Variants in CMTM7 observed in about 807,000 individuals in gnomAD.
CMTM7 encodes CKLF like MARVEL transmembrane domain containing 7.
CMTM7 carries 7 observed loss-of-function variants against 19.3 expected under a neutral mutation model. The observed-to-expected ratio is 0.36, with a 90% confidence interval of 0.21 to 0.68. The LOEUF is 0.68. Among genes scored for constraint, CMTM7 ranks in the 30% least tolerant of loss-of-function variants. The pLI, the probability that CMTM7 is intolerant of heterozygous loss-of-function variation, is 0.60. For missense variants in CMTM7, 193 were observed against 232.6 expected (o/e 0.83, Z 1.11); for synonymous variants, 87 against 99.3 (o/e 0.88, Z 0.74).
At chr3:32,410,510 G>A (rs1181222899) in intron 1 of CMTM7, among the ~76,000 whole-genome samples, 1 of 152,240 alleles carries the variant, frequency 6.6e-6, no homozygotes, top group Non-Finnish European at 1.5e-5. Flanking sequence ...TGCTGAGGGA[G>A]GGGGCTGGGG....
intron 1 of CMTM7, among the ~76,000 whole-genome samples, chr3:32,408,832 T>C (rs1696127817): frequency 6.6e-6 from 1 of 151,840 alleles, no homozygotes; most frequent in Admixed American, 6.6e-5. Flanking sequence ...GCTATCTTTT[T>C]AGTGTTTGTA....
chr3:32,437,843 A>T (rs1456135582), intron 1 of CMTM7, among the ~76,000 whole-genome samples: 1 of 152,126 alleles, frequency 6.6e-6, no homozygotes, highest in African/African-American at 2.4e-5. Flanking sequence ...GTGAGCTGAG[A>T]TGTTGCCACT....
At chr3:32,414,045 G>A (rs1428770296) in intron 1 of CMTM7, among the ~76,000 whole-genome samples, 2 of 152,154 alleles carry the variant, frequency 1.3e-5, no homozygotes, top group Non-Finnish European at 2.9e-5. Flanking sequence ...CTGAAGAGCG[G>A]TCCTAGCTTC....
chr3:32,445,805 C>T (rs1696746304), intron 2 of CMTM7, among the ~76,000 whole-genome samples: 1 of 152,166 alleles, frequency 6.6e-6, no homozygotes, highest in Non-Finnish European at 1.5e-5. Context: ...CATGAGCCCC[C>T]ACACCTGGCC....
At chr3:32,431,935 C>T (rs1396554112) in intron 1 of CMTM7, among the ~76,000 whole-genome samples, 1 of 152,186 alleles carries the variant, frequency 6.6e-6, no homozygotes. Flanking sequence ...AGTTCAAGAC[C>T]AGCCCGGTCA....
chr3:32,412,295 G>A (rs1286009371), intron 1 of CMTM7, among the ~76,000 whole-genome samples: 15 of 152,118 alleles, frequency 9.9e-5, no homozygotes, highest in Admixed American at 9.2e-4. Context: ...GACCATCCTG[G>A]CCAACATGGT....
At chr3:32,435,081 T>G (rs538920737) in intron 1 of CMTM7, among the ~76,000 whole-genome samples, 1 of 152,358 alleles carries the variant, frequency 6.6e-6, no homozygotes, top group African/African-American at 2.4e-5. Context: ...TTTCACTCAG[T>G]AATTTCACTT....
At chr3:32,423,278 A>G (rs967715089) in intron 1 of CMTM7, among the ~76,000 whole-genome samples, 2 of 152,214 alleles carry the variant, frequency 1.3e-5, no homozygotes, top group African/African-American at 4.8e-5. Context: ...GGGTGGTATG[A>G]GCACACCAAA....
chr3:32,454,185 C>G, intron 4 of CMTM7, 56 bp from the exon 5 acceptor site: 2 of 1,551,990 alleles, frequency 1.3e-6, no homozygotes, highest in Non-Finnish European at 1.7e-6. Context: ...TGGAGTGTGG[C>G]TTGTGGGTGG....
At chr3:32,451,475 T>C in intron 3 of CMTM7, 1 of 152,664 alleles carries the variant, frequency 6.6e-6, no homozygotes, top group East Asian at 1.9e-4. Context: ...CGCCTGTACC[T>C]CTGTTTCTTT....
At chr3:32,415,936 C>T (rs963378584) in intron 1 of CMTM7, among the ~76,000 whole-genome samples, 3 of 152,142 alleles carry the variant, frequency 2.0e-5, no homozygotes, top group Non-Finnish European at 4.4e-5. Flanking sequence ...GTTTCTCAGA[C>T]GTTTCATTTT....
Position 32,392,019 on chromosome 3 carries a change from T to G in CMTM7, c.113T>G (p.Leu38Arg). The G allele has an allele frequency of 8.1e-7, 1 of 1,235,030 alleles. No individual in the cohort carries two copies. Among genetic ancestry groups the G allele is most frequent in the Admixed American group, 4.2e-5 (1 of 23,654 alleles). 76.5% of individuals were successfully genotyped at this position (1,235,030 alleles called of 1,614,324 possible). A position where few individuals can be genotyped will look rare whatever the true frequency, so the allele number is the denominator to read the frequency against. Residue 38 changes from leucine (L) to arginine (R), a missense_variant, in exon 1 of 5, where the codon CTC becomes CGC. By Grantham distance (102) the Leu-to-Arg change is moderately radical. Coordinates refer to ENST00000334983, the MANE Select transcript of CMTM7 (RefSeq NM_138410.4). ...SASPLEGLLD[L>R]SYPRTHAALL... The stretch of plus-strand genomic sequence containing the variant: ...AGCCCCTTGGAGGGGCTGCTGGACC[T>G]CAGCTACCCCCGCACCCACGCGGCC...
chr3:32,449,326 C>T lies in CMTM7; in HGVS notation c.334-128C>T, dbSNP rs1241057887. ...CGAGCGGCTCTGCTCATCCCATTTG[C>T]GTGTTGCAAGGGAGAAGAGGAAGCG... On this transcript the variant is annotated intron_variant, in intron 2 of 4. Coordinates refer to ENST00000334983, the MANE Select transcript of CMTM7 (RefSeq NM_138410.4). The surrounding 1 kb of genome is among the most constrained non-coding windows in gnomAD (Gnocchi z 4.5). 2.3e-5 allele frequency: 17 copies of T among 748,936 alleles called. No individual in the cohort carries two copies. Among genetic ancestry groups the T allele is most frequent in the African/African-American group, 1.4e-4 (8 of 58,114 alleles). 46.4% of individuals were successfully genotyped at this position (748,936 alleles called of 1,614,324 possible).
chr3:32,439,987 T>C (rs1207133834), intron 1 of CMTM7, among the ~76,000 whole-genome samples: 2 of 152,034 alleles, frequency 1.3e-5, no homozygotes, highest in Admixed American at 1.3e-4. Context: ...ACCAAAAATA[T>C]ATACACACAT....
At chr3:32,406,962 G>A (rs1182538322) in intron 1 of CMTM7, among the ~76,000 whole-genome samples, 1 of 152,154 alleles carries the variant, frequency 6.6e-6, no homozygotes. Flanking sequence ...GTTGTCCAAG[G>A]GAAATCACTA....
chr3:32,429,767 AT>A lies in CMTM7; in HGVS notation c.160-12068del, dbSNP rs1462534206. ...AGGCGCCCGCCACCACACCCAGCTAATTTTTGTATTTTTAGTAGAGACGGGG... is the reference window on the plus strand; with the variant it reads ...AGGCGCCCGCCACCACACCCAGCTAATTTTGTATTTTTAGTAGAGACGGGG... On this transcript the variant is annotated intron_variant, in intron 1 of 4. Coordinates refer to ENST00000334983, the MANE Select transcript of CMTM7 (RefSeq NM_138410.4). Among the ~76,000 whole-genome samples the A allele has an allele frequency of 3.3e-5, 5 of 151,896 alleles. No individual in the cohort carries two copies. The East Asian group carries it at 7.7e-4, about 24-fold the overall frequency.
chr3:32,452,814 G>A lies in CMTM7; in HGVS notation c.514+341G>A, dbSNP rs946933666. 6.1e-5 allele frequency among the ~76,000 whole-genome samples: 9 copies of A among 147,394 alleles called. No individual in the cohort carries two copies. In the South Asian group the frequency reaches 6.4e-4, roughly 10 times the overall value. ...GTTGTCCAGGCTGGTGCAGTGGTAC[G>A]ATCAGAGCTCACTGCAGCCTCCGCC... On this transcript the variant is annotated intron_variant, in intron 4 of 4. Coordinates refer to ENST00000334983, the MANE Select transcript of CMTM7 (RefSeq NM_138410.4).
At chr3:32,442,360 G>T (rs1001743129) in intron 2 of CMTM7, among the ~76,000 whole-genome samples, 3 of 151,906 alleles carry the variant, frequency 2.0e-5, no homozygotes. Context: ...TCAGCCGGGC[G>T]TGGTGGCGGG....
In CMTM7 at chr3:32,441,870, C is replaced by T. The variant is rs752362450; in HGVS notation, c.190C>T (p.Arg64Trp). 2.0e-5 allele frequency: 33 copies of T among 1,614,006 alleles called. No individual in the cohort carries two copies. The highest frequency in any genetic ancestry group is 5.3e-5 in the African/African-American group (4 of 74,908). Residue 64 changes from arginine to tryptophan, a missense_variant, in exon 2 of 5, where the codon CGG becomes TGG. Arg to Trp is a moderately radical substitution (Grantham distance 101, BLOSUM62 -3). Transcript: ENST00000334983. The stretch of plus-strand genomic sequence containing the variant: ...CCTGCTGATTGCCTTCATCTGTGTG[C>T]GGAGCTCCCTGTGGACCAACTACAG... ...VTLLIAFICV[R>W]SSLWTNYSAY...
Sources: allele counts gnomAD v4.1 joint callset (sites outside exome capture counted in the v4.1 genomes callset), GRCh38; gene constraint gnomAD v4.1.1; non-coding constraint Gnocchi (gnomAD v3.1); transcripts MANE v1.5; gene names NCBI Gene and HGNC (gene_info 2026-07-23, HGNC 2026-07-21).